CLVS1: variants seen among roughly 807,000 people sequenced by gnomAD.
CLVS1 encodes clavesin-1.
A neutral mutation model predicts 33.1 loss-of-function variants in CLVS1; 10 were observed. That is an observed-to-expected ratio of 0.30 (90% CI 0.19 to 0.51). The LOEUF (loss-of-function observed/expected upper bound fraction) is 0.51, where lower values mean the gene tolerates loss of function less well. Ranked by LOEUF, CLVS1 falls within the 20% of genes least tolerant of loss-of-function variation. CLVS1 has a pLI of 0.97. For synonymous variants in CLVS1, 163 were observed against 166.1 expected (o/e 0.98, Z 0.14); for missense variants, 343 against 433.4 (o/e 0.79, Z 1.85).
intron 2 of CLVS1, among the ~76,000 whole-genome samples, chr8:61,272,727 A>G (rs958670411): frequency 1.3e-5 from 2 of 151,812 alleles, no homozygotes; most frequent in African/African-American, 2.4e-5. Flanking sequence ...TTCCCTTCTC[A>G]CTTCATTTCA....
upstream of CLVS1, among the ~76,000 whole-genome samples, chr8:61,054,683 G>A (rs931486427): frequency 1.3e-5 from 2 of 151,954 alleles, no homozygotes; most frequent in Admixed American, 6.6e-5. Context: ...GTGTTAAAAA[G>A]GAAAGTACTT....
intron 2 of CLVS1, among the ~76,000 whole-genome samples, chr8:61,198,413 T>C (rs1421283187): frequency 2.0e-5 from 3 of 152,174 alleles, no homozygotes; most frequent in Non-Finnish European, 4.4e-5. Flanking sequence ...GGAGTCTCAC[T>C]CTTTCACCCA....
At chr8:61,249,267 CGTA>C (rs1238747724) in intron 2 of CLVS1, among the ~76,000 whole-genome samples, 3 of 152,110 alleles carry the variant, frequency 2.0e-5, no homozygotes, top group Non-Finnish European at 4.4e-5. Context: ...TTATTATGGC[CGTA>C]TAGTATTCCT....
intron 5 of CLVS1, among the ~76,000 whole-genome samples, chr8:61,476,660 T>C (rs1422518437): frequency 3.3e-5 from 5 of 152,218 alleles, no homozygotes; most frequent in Non-Finnish European, 5.9e-5. Context: ...ATCCTGAGAC[T>C]TTGCTGAAGT....
chr8:61,173,974 A>G (rs1026341711), intron 2 of CLVS1, among the ~76,000 whole-genome samples: 2 of 152,180 alleles, frequency 1.3e-5, no homozygotes, highest in Non-Finnish European at 2.9e-5. Context: ...CATTGGTTAG[A>G]GTGCTGATTG....
chr8:61,211,690 T>C (rs1807973842), intron 2 of CLVS1, among the ~76,000 whole-genome samples: 1 of 152,226 alleles, frequency 6.6e-6, no homozygotes, highest in Non-Finnish European at 1.5e-5. Context: ...CCCAAAGACA[T>C]CTGCATCTTA....
At chr8:60,971,849 C>G in the CLVS1 span, among the ~76,000 whole-genome samples, 1 of 152,124 alleles carries the variant, frequency 6.6e-6, no homozygotes, top group East Asian at 1.9e-4. Flanking sequence ...CCCCCACCCC[C>G]ACCTTCCCCC....
chr8:61,408,122 G>A (rs974782716), intron 3 of CLVS1, among the ~76,000 whole-genome samples: 1 of 152,086 alleles, frequency 6.6e-6, no homozygotes, highest in African/African-American at 2.4e-5. Context: ...TGGAGTTTAC[G>A]GTCCATTGGG....
At chr8:61,151,078 G>T (rs778967718) in intron 2 of CLVS1, among the ~76,000 whole-genome samples, 1 of 152,158 alleles carries the variant, frequency 6.6e-6, no homozygotes. Context: ...GAATTTCAAT[G>T]AATGCATGAG....
chr8:60,980,008 C>T, the CLVS1 span, among the ~76,000 whole-genome samples: 5 of 152,286 alleles, frequency 3.3e-5, no homozygotes, highest in South Asian at 2.1e-4. Context: ...TGGTCAACAG[C>T]GTAAGTTCCT....
chr8:60,972,200 A>G, the CLVS1 span, among the ~76,000 whole-genome samples: 3 of 152,032 alleles, frequency 2.0e-5, no homozygotes, highest in East Asian at 3.9e-4. Flanking sequence ...TTCTCACAGC[A>G]TGGTGGTCTC....
intron 2 of CLVS1, among the ~76,000 whole-genome samples, chr8:61,347,678 A>C (rs1276508076): frequency 7.1e-5 from 6 of 84,808 alleles, no homozygotes; most frequent in Admixed American, 1.4e-4. Context: ...ATATATATAT[A>C]TATATCCTGA....
intron 2 of CLVS1, among the ~76,000 whole-genome samples, chr8:61,257,696 G>T (rs1415928857): frequency 6.6e-6 from 1 of 152,058 alleles, no homozygotes; most frequent in Non-Finnish European, 1.5e-5. Context: ...GGAAGAAACT[G>T]GCAAAAGGAA....
chr8:61,269,590 C>T (rs1330518050), intron 2 of CLVS1, among the ~76,000 whole-genome samples: 5 of 148,806 alleles, frequency 3.4e-5, no homozygotes, highest in Non-Finnish European at 6.0e-5. Context: ...GGCATTGAAT[C>T]TGTAAATTAC....
At chr8:61,375,271 G>A (rs1813598464) in intron 2 of CLVS1, among the ~76,000 whole-genome samples, 1 of 140,264 alleles carries the variant, frequency 7.1e-6, no homozygotes, top group African/African-American at 2.6e-5. Context: ...TTTTTTATGA[G>A]ACAGAGGCTG....
chr8:61,249,266 C>T (rs546518474), intron 2 of CLVS1, among the ~76,000 whole-genome samples: 1 of 152,302 alleles, frequency 6.6e-6, no homozygotes, highest in South Asian at 2.1e-4. Context: ...TTTATTATGG[C>T]CGTATAGTAT....
chr8:61,017,190 T>A, the CLVS1 span, among the ~76,000 whole-genome samples: 1 of 152,204 alleles, frequency 6.6e-6, no homozygotes, highest in South Asian at 2.1e-4. Flanking sequence ...TCTCACAATT[T>A]TTGGGCTCAG....
intron 2 of CLVS1, among the ~76,000 whole-genome samples, chr8:61,158,326 G>T (rs1806688205): frequency 6.6e-6 from 1 of 152,092 alleles, no homozygotes; most frequent in African/African-American, 2.4e-5. Flanking sequence ...GGAACAGACT[G>T]GGAAGGGGTG....
chr8:61,018,226 G>A, the CLVS1 span, among the ~76,000 whole-genome samples: 1 of 152,090 alleles, frequency 6.6e-6, no homozygotes, highest in Non-Finnish European at 1.5e-5. Context: ...GGAAATGTAG[G>A]AGTTGGGATA....
Sources: gnomAD v4.1 joint callset for allele counts (sites outside exome capture counted in the v4.1 genomes callset) on GRCh38, gnomAD v4.1.1 for gene constraint, MANE v1.5 for transcripts, NCBI Gene and HGNC (gene_info 2026-07-23, HGNC 2026-07-21) for gene names.